The following ATXN7 variants were observed in gnomAD, a reference collection of about 807,000 sequenced individuals.
The protein encoded by ATXN7 is ataxin-7.
In ATXN7, 12 loss-of-function variants were observed where a neutral mutation model predicts 70.5. The observed-to-expected ratio is 0.17, with a 90% CI of 0.11 to 0.28. The LOEUF (loss-of-function observed/expected upper bound fraction) is 0.28, where lower values mean the gene tolerates loss of function less well. Among genes scored for constraint, ATXN7 ranks in the 10% least tolerant of loss-of-function variants. The pLI, the probability that ATXN7 is intolerant of heterozygous loss-of-function variation, is 1.00. For synonymous variants in ATXN7, 498 were observed against 448.7 expected (o/e 1.11, Z -1.39); for missense variants, 1,256 against 1,131.7 (o/e 1.11, Z -1.58).
intron 4 of ATXN7, among the ~76,000 whole-genome samples, chr3:63,933,876 A>G (rs1417271046): frequency 6.6e-6 from 1 of 151,018 alleles, no homozygotes; most frequent in Non-Finnish European, 1.5e-5. Context: ...AACTGTCGTT[A>G]CCTATTGGAG....
chr3:63,974,975 A>G (rs569062563), intron 5 of ATXN7, among the ~76,000 whole-genome samples: 1 of 152,334 alleles, frequency 6.6e-6, no homozygotes, highest in Admixed American at 6.5e-5. Context: ...GGTAGATGGT[A>G]GAAGTTTGAG....
At chr3:63,979,412 GT>G (rs1364013601) in intron 5 of ATXN7, among the ~76,000 whole-genome samples, 3 of 152,144 alleles carry the variant, frequency 2.0e-5, no homozygotes, top group Non-Finnish European at 4.4e-5. Context: ...CTTATTTGGT[GT>G]CATCTGCTGG....
chr3:63,915,691 T>G (rs867055419), intron 4 of ATXN7, among the ~76,000 whole-genome samples: 1 of 151,836 alleles, frequency 6.6e-6, no homozygotes, highest in Non-Finnish European at 1.5e-5. Context: ...TATTTATTTT[T>G]TTTTTTTTTT....
intron 2 of ATXN7, among the ~76,000 whole-genome samples, chr3:63,903,244 A>T (rs546768129): frequency 1.3e-5 from 2 of 152,030 alleles, no homozygotes; most frequent in African/African-American, 4.8e-5. Flanking sequence ...AATACAAAAA[A>T]ATTAGCCGAG....
intron 4 of ATXN7, among the ~76,000 whole-genome samples, chr3:63,936,840 T>C (rs2074670880): frequency 6.6e-6 from 1 of 152,212 alleles, no homozygotes; most frequent in African/African-American, 2.4e-5. Context: ...ACTCAGCCCA[T>C]ATTTTGTACC....
rs117601651 is a variant in ATXN7 at position 63,935,682 on chromosome 3, G to A, written c.395-16697G>A. 8.6e-5 allele frequency among the ~76,000 whole-genome samples: 13 copies of A among 151,976 alleles called. No individual in the cohort carries two copies. In the East Asian group the frequency reaches 1.4e-3, roughly 16 times the overall value. ...TGATGATGCCCTTAAACTGCCTTTCGTATGGTTTTGGACCTTTATACAGCT... is the reference window on the plus strand; with the variant it reads ...TGATGATGCCCTTAAACTGCCTTTCATATGGTTTTGGACCTTTATACAGCT... On this transcript the variant is annotated intron_variant, in intron 4 of 12. Transcript: ENST00000674280.
At chr3:63,980,504 A>G in intron 6 of ATXN7, 1 of 239,780 alleles carries the variant, frequency 4.2e-6, no homozygotes, top group Non-Finnish European at 8.3e-6. Flanking sequence ...AGGAGAAGGA[A>G]GCTTCGTGAG....
chr3:63,979,784 T>A (rs1324803505), intron 5 of ATXN7, 131 bp from the exon 6 acceptor site: 3 of 1,268,320 alleles, frequency 2.4e-6, no homozygotes, highest in Non-Finnish European at 3.3e-6. Context: ...TGAAGTCTGC[T>A]GAGTTTAACA....
intron 2 of ATXN7, among the ~76,000 whole-genome samples, chr3:63,907,149 G>C (rs1022512739): frequency 6.6e-6 from 1 of 152,152 alleles, no homozygotes; most frequent in Non-Finnish European, 1.5e-5. Flanking sequence ...AGTTACTCTT[G>C]TTTTACTCAT....
chr3:63,947,312 G>A (rs916486190), intron 4 of ATXN7, among the ~76,000 whole-genome samples: 29 of 152,142 alleles, frequency 1.9e-4, no homozygotes, highest in African/African-American at 6.3e-4. Flanking sequence ...CTGGCCAGGC[G>A]CAGTAGCTCA....
At chr3:63,913,038 G>C (rs1704118018) in intron 3 of ATXN7, 115 bp downstream of exon 3, 1 of 1,436,020 alleles carries the variant, frequency 7.0e-7, no homozygotes, top group Non-Finnish European at 9.6e-7. Context: ...AGATGCTATC[G>C]TTTGCTGGGT....
At chr3:63,871,139 C>A (rs768613674) in intron 1 of ATXN7, among the ~76,000 whole-genome samples, 6 of 152,096 alleles carry the variant, frequency 3.9e-5, no homozygotes, top group Non-Finnish European at 7.4e-5. Flanking sequence ...CAAGTACACT[C>A]TTTTTGGAGT....
At chr3:63,983,753 TG>T (rs2075527313) in intron 8 of ATXN7, among the ~76,000 whole-genome samples, 1 of 152,144 alleles carries the variant, frequency 6.6e-6, no homozygotes, top group African/African-American at 2.4e-5. Flanking sequence ...CTGAAAAGTG[TG>T]GGTTATTGAT....
At chr3:63,957,886 A>G (rs1324008383) in intron 5 of ATXN7, among the ~76,000 whole-genome samples, 2 of 152,248 alleles carry the variant, frequency 1.3e-5, no homozygotes, top group African/African-American at 4.8e-5. Flanking sequence ...TAGCCCTAGG[A>G]AATAACAGAC....
intron 5 of ATXN7, among the ~76,000 whole-genome samples, chr3:63,970,477 T>C (rs1273232131): frequency 6.6e-6 from 1 of 152,210 alleles, no homozygotes; most frequent in Non-Finnish European, 1.5e-5. Flanking sequence ...CTCCTCTTTT[T>C]CCCTATCATT....
At chr3:63,911,800 C>G (rs1338846430) in intron 2 of ATXN7, 1 of 152,288 alleles carries the variant, frequency 6.6e-6, no homozygotes, top group Non-Finnish European at 1.5e-5. Flanking sequence ...GGAGGCACTT[C>G]CCCGCTAGCC....
intron 5 of ATXN7, among the ~76,000 whole-genome samples, chr3:63,975,915 G>T (rs1211504645): frequency 2.0e-5 from 3 of 152,144 alleles, no homozygotes; most frequent in Non-Finnish European, 2.9e-5. Flanking sequence ...CTCTTTTCTT[G>T]TGTCTGTACT....
At chr3:63,993,478 A>G (rs2075706699) in intron 11 of ATXN7, among the ~76,000 whole-genome samples, 1 of 151,764 alleles carries the variant, frequency 6.6e-6, no homozygotes, top group Non-Finnish European at 1.5e-5. Flanking sequence ...AAACGAGTAT[A>G]AAGAGGCATA....
intron 4 of ATXN7, among the ~76,000 whole-genome samples, chr3:63,919,243 C>T (rs966408997): frequency 1.3e-5 from 2 of 152,168 alleles, no homozygotes; most frequent in Non-Finnish European, 2.9e-5. Flanking sequence ...TCTGTGGCTG[C>T]TTGCTGCATA....
Sources: gnomAD v4.1 joint callset for allele counts (sites outside exome capture counted in the v4.1 genomes callset) on GRCh38, gnomAD v4.1.1 for gene constraint, MANE v1.5 for transcripts, NCBI Gene and HGNC (gene_info 2026-07-23, HGNC 2026-07-21) for gene names.